The following NECTIN2 variants were observed in gnomAD, a reference collection of about 807,000 sequenced individuals.
NECTIN2 encodes nectin-2.
In NECTIN2, 23 loss-of-function variants were observed where a neutral mutation model predicts 56.9. That is an observed-to-expected ratio of 0.40 (90% CI 0.29 to 0.57). The LOEUF (loss-of-function observed/expected upper bound fraction) is 0.57. Among genes scored for constraint, NECTIN2 ranks in the 20% least tolerant of loss-of-function variants. The pLI is 0.38. For synonymous variants in NECTIN2, 302 were observed against 313.8 expected, an observed-to-expected ratio of 0.96 and a Z score of 0.40; for missense variants, 587 against 718.3, an observed-to-expected ratio of 0.82 and a Z score of 2.09.
chr19:44,882,948 A>T (rs1484604987), intron 6 of NECTIN2, among the ~76,000 whole-genome samples: 1 of 151,398 alleles, frequency 6.6e-6, no homozygotes, highest in Non-Finnish European at 1.5e-5. Flanking sequence ...TGCCCAGCTA[A>T]TTTTTTGGAT....
chr19:44,870,597 C>G (rs1293134574), intron 2 of NECTIN2, among the ~76,000 whole-genome samples: 1 of 151,984 alleles, frequency 6.6e-6, no homozygotes, highest in African/African-American at 2.4e-5. Context: ...AGATTTTCTG[C>G]CTTTATCACA....
intron 5 of NECTIN2, among the ~76,000 whole-genome samples, chr19:44,876,998 T>C (rs895875721): frequency 4.6e-5 from 7 of 152,126 alleles, no homozygotes; most frequent in African/African-American, 1.7e-4. Flanking sequence ...CTGGTCCAGT[T>C]AGTGACCAGC....
At chr19:44,881,119 T>A (rs780442827) in intron 5 of NECTIN2, among the ~76,000 whole-genome samples, 21 of 151,762 alleles carry the variant, frequency 1.4e-4, no homozygotes, top group Non-Finnish European at 2.2e-4. Flanking sequence ...TGAGGTCTTG[T>A]GCTCGTTGCC....
intron 2 of NECTIN2, among the ~76,000 whole-genome samples, chr19:44,867,054 T>G (rs1427529488): frequency 6.6e-6 from 1 of 152,032 alleles, no homozygotes; most frequent in Non-Finnish European, 1.5e-5. Context: ...GTTTTGCTCT[T>G]GTTACCCAGG....
intron 7 of NECTIN2, 64 bp downstream of exon 7, chr19:44,886,064 G>T: frequency 6.4e-7 from 1 of 1,570,214 alleles, no homozygotes; most frequent in Non-Finnish European, 8.8e-7. Flanking sequence ...GCTGGGAGGG[G>T]CCTGGCAGGG....
chr19:44,878,311 G>A (rs774609454), intron 5 of NECTIN2: 1 of 1,482,180 alleles, frequency 6.7e-7, no homozygotes, highest in South Asian at 1.2e-5. Flanking sequence ...TTCTGGCTGG[G>A]GGGTCCTTGG....
At position 44,875,841 on chromosome 19, in the gene NECTIN2, C is replaced by T. The variant is rs1380518577; in HGVS notation, c.1042+1363C>T. Among the ~76,000 whole-genome samples the T allele has an allele frequency of 6.6e-6, 1 of 152,212 alleles. No homozygotes were observed. The highest frequency in any genetic ancestry group is 2.4e-5 in the African/African-American group (1 of 41,458). On this transcript the variant is annotated intron_variant, in intron 5 of 8. Coordinates refer to ENST00000252483, the MANE Select transcript of NECTIN2 (RefSeq NM_001042724.2). The surrounding 1 kb of genome is among the most constrained non-coding windows in gnomAD (Gnocchi z 4.2). ...TCCAGATACAGCCAGGGAGATAGGA[C>T]ACCCCTACGGGAAACACTGTCACAG...
At chr19:44,861,345 G>C (rs1969029718) in intron 1 of NECTIN2, among the ~76,000 whole-genome samples, 1 of 152,172 alleles carries the variant, frequency 6.6e-6, no homozygotes, top group African/African-American at 2.4e-5. Flanking sequence ...ACCTGCGCTT[G>C]TATGTTTATT....
intron 1 of NECTIN2, among the ~76,000 whole-genome samples, chr19:44,848,854 T>TC (rs1372532749): frequency 6.6e-6 from 1 of 151,932 alleles, no homozygotes; most frequent in Non-Finnish European, 1.5e-5. Flanking sequence ...CTCCACTGCC[T>TC]CCCCCGCTTG....
chr19:44,874,114 G>A lies in NECTIN2; in HGVS notation c.893+81G>A, dbSNP rs577332499. ...GACTCCTGGATCTAAGGGAGGAGGG[G>A]CTGGGGGCCTGGACTCCTGGATCTG... On this transcript the variant is annotated intron_variant, in intron 4 of 8. Coordinates refer to ENST00000252483, the MANE Select transcript of NECTIN2 (RefSeq NM_001042724.2). This position sits in a 1 kb window ranked among gnomAD's most constrained non-coding sequence, Gnocchi z 6.3. 1 of 1,299,402 alleles carries A rather than the reference G, an allele frequency of 7.7e-7. No individual in the cohort carries two copies. The highest frequency in any genetic ancestry group is 1.1e-6 in the Non-Finnish European group (1 of 931,192). 80.5% of individuals were successfully genotyped at this position (1,299,402 alleles called of 1,614,324 possible).
At chr19:44,859,553 G>A (rs950004595) in intron 1 of NECTIN2, among the ~76,000 whole-genome samples, 4 of 152,212 alleles carry the variant, frequency 2.6e-5, no homozygotes, top group African/African-American at 7.2e-5. Flanking sequence ...GCCACACGCC[G>A]TGGCTCACGC....
chr19:44,873,823 C>A (rs929092904), intron 3 of NECTIN2, 93 bp from the exon 4 acceptor site: 7 of 941,022 alleles, frequency 7.4e-6, no homozygotes, highest in Non-Finnish European at 1.2e-5. Flanking sequence ...TGCCAACCCG[C>A]CCCGTTTCTT....
At chr19:44,867,486 C>T (rs1969114934) in intron 2 of NECTIN2, among the ~76,000 whole-genome samples, 1 of 152,136 alleles carries the variant, frequency 6.6e-6, no homozygotes, top group Non-Finnish European at 1.5e-5. Flanking sequence ...AGAGCGAGAC[C>T]CTGTCTTAAA....
At position 44,888,449 on chromosome 19, in the gene NECTIN2, C is replaced by T; in HGVS notation, c.*70C>T. 1 of 1,513,168 alleles carries T rather than the reference C, an allele frequency of 6.6e-7. No homozygotes were observed. The highest frequency in any genetic ancestry group is 9.0e-7 in the Non-Finnish European group (1 of 1,113,414). 93.7% of individuals were successfully genotyped at this position (1,513,168 alleles called of 1,614,324 possible). ...AGCTTTCTTGCCAAGGATCTAGTGCCCCCTGACCTCTGGCCAGGCCACTGT... is the reference window on the plus strand; with the variant it reads ...AGCTTTCTTGCCAAGGATCTAGTGCTCCCTGACCTCTGGCCAGGCCACTGT... On this transcript the variant is annotated 3_prime_UTR_variant, in exon 9 of 9. Coordinates refer to ENST00000252483, the MANE Select transcript of NECTIN2 (RefSeq NM_001042724.2).
intron 2 of NECTIN2, among the ~76,000 whole-genome samples, chr19:44,868,836 C>T (rs368756307): frequency 1.3e-5 from 2 of 151,678 alleles, no homozygotes; most frequent in Admixed American, 6.6e-5. Flanking sequence ...GGCTTGAACC[C>T]GGGAGGCGGA....
rs536775165 is a variant in NECTIN2, at chr19:44,865,306, G to T, written c.124G>T (p.Val42Leu). 3.7e-6 allele frequency: 6 copies of T among 1,613,570 alleles called. No individual in the cohort carries two copies. The South Asian group carries it at 6.6e-5, about 18-fold the overall frequency. The change falls in exon 2 of 9, where the codon GTG (valine) becomes TTG (leucine). Residue 42 changes from valine to leucine, a missense_variant. Coordinates refer to ENST00000252483, the MANE Select transcript of NECTIN2 (RefSeq NM_001042724.2). The surrounding 1 kb of genome is among the most constrained non-coding windows in gnomAD (Gnocchi z 5.2). ...TGTGCGAGTTCAAGTGCTACCCGAG[G>T]TGCGAGGCCAGCTCGGGGGCACCGT... The part of the protein sequence containing the change: ...QDVRVQVLPE[V>L]RGQLGGTVEL...
chr19:44,848,295 C>G (rs1284270184), intron 1 of NECTIN2, among the ~76,000 whole-genome samples: 1 of 152,156 alleles, frequency 6.6e-6, no homozygotes, highest in Non-Finnish European at 1.5e-5. Flanking sequence ...ACCGAAGGCT[C>G]CAGCTTGCCC....
chr19:44,853,860 C>T (rs142119802), intron 1 of NECTIN2, among the ~76,000 whole-genome samples: 1 of 152,288 alleles, frequency 6.6e-6, no homozygotes, highest in African/African-American at 2.4e-5. Context: ...CTTGCAGATA[C>T]TGAGGGTACA....
At chr19:44,856,561 C>T (rs980448274) in intron 1 of NECTIN2, among the ~76,000 whole-genome samples, 1 of 152,188 alleles carries the variant, frequency 6.6e-6, no homozygotes, top group African/African-American at 2.4e-5. Flanking sequence ...GCAGTTCACA[C>T]AGGCCCAAAT....
Sources: gnomAD v4.1 joint callset for allele counts (sites outside exome capture counted in the v4.1 genomes callset) on GRCh38, gnomAD v4.1.1 for gene constraint, Gnocchi (gnomAD v3.1) non-coding constraint, MANE v1.5 for transcripts, NCBI Gene and HGNC (gene_info 2026-07-23, HGNC 2026-07-21) for gene names.